Variants in PEX5L observed in about 807,000 individuals in gnomAD.
PEX5L encodes PEX5-related protein.
In PEX5L, 30 loss-of-function variants were observed where a neutral mutation model predicts 84.0. The ratio of observed to expected loss-of-function variants is 0.36; its 90% confidence interval spans 0.27 to 0.48. PEX5L has a LOEUF of 0.48. Among genes scored for constraint, PEX5L ranks in the 20% least tolerant of loss-of-function variants. The pLI, the probability that PEX5L is intolerant of heterozygous loss-of-function variation, is 0.99. For synonymous variants in PEX5L, 270 were observed against 283.1 expected, an observed-to-expected ratio of 0.95 and a Z score of 0.46; for missense variants, 533 against 754.6, an observed-to-expected ratio of 0.71 and a Z score of 3.44.
intron 8 of PEX5L, among the ~76,000 whole-genome samples, chr3:179,852,800 A>G (rs995908954): frequency 6.6e-5 from 10 of 152,196 alleles, no homozygotes; most frequent in Admixed American, 1.3e-4. Flanking sequence ...CTGTGAAAAC[A>G]TTGCTTAAAA....
chr3:179,937,971 C>T (rs531456864), intron 2 of PEX5L, among the ~76,000 whole-genome samples: 1 of 152,088 alleles, frequency 6.6e-6, no homozygotes, highest in Non-Finnish European at 1.5e-5. Context: ...CTACTTCCAG[C>T]GCTTCCATCG....
chr3:179,952,887 C>A (rs1779479582), intron 2 of PEX5L, among the ~76,000 whole-genome samples: 1 of 152,100 alleles, frequency 6.6e-6, no homozygotes, highest in South Asian at 2.1e-4. Context: ...CAGCATGGTA[C>A]CGGTACCAAA....
intron 8 of PEX5L, among the ~76,000 whole-genome samples, chr3:179,831,936 G>A (rs1185058822): frequency 2.0e-5 from 3 of 152,152 alleles, no homozygotes; most frequent in Non-Finnish European, 4.4e-5. Context: ...ACAGTTAGAC[G>A]AATAAGCTTG....
chr3:179,968,778 A>C (rs1784032384), intron 2 of PEX5L, among the ~76,000 whole-genome samples: 1 of 151,830 alleles, frequency 6.6e-6, no homozygotes, highest in Non-Finnish European at 1.5e-5. Flanking sequence ...TAAGACATCA[A>C]CACTCATTTA....
In PEX5L at chr3:180,036,683, G is replaced by A; in HGVS notation, c.-84C>T. 6.0e-6 allele frequency: 9 copies of A among 1,496,878 alleles called. No homozygotes were observed. Among genetic ancestry groups the A allele is most frequent in the South Asian group, 1.1e-5 (1 of 88,662 alleles). 92.7% of individuals were successfully genotyped at this position (1,496,878 alleles called of 1,614,324 possible). A position where few individuals can be genotyped will look rare whatever the true frequency, so the allele number is the denominator to read the frequency against. ...CTTGCCCACCAAAAGAGGGGAAAAG[G>A]TGGGTGCACAGCGGGTTCTCAGAGG... On this transcript the variant is annotated 5_prime_UTR_variant, in exon 1 of 15. Coordinates refer to ENST00000467460, the MANE Select transcript of PEX5L (RefSeq NM_016559.3).
intron 8 of PEX5L, among the ~76,000 whole-genome samples, chr3:179,829,440 A>G (rs1043299301): frequency 6.6e-6 from 1 of 152,212 alleles, no homozygotes; most frequent in Non-Finnish European, 1.5e-5. Flanking sequence ...TTAGAATCTC[A>G]GTACTTAATG....
At chr3:179,887,825 A>G in intron 3 of PEX5L, 41 bp from the exon 4 acceptor site, 1 of 1,319,582 alleles carries the variant, frequency 7.6e-7, no homozygotes, top group East Asian at 2.3e-5. Context: ...GCTTTGTTAA[A>G]CTGCAGAGTC....
At chr3:179,935,724 T>C (rs1214212595) in intron 2 of PEX5L, among the ~76,000 whole-genome samples, 1 of 152,044 alleles carries the variant, frequency 6.6e-6, no homozygotes, top group Non-Finnish European at 1.5e-5. Context: ...AGGGCAGCAA[T>C]GTTGCAGGTG....
chr3:179,876,354 G>A (rs1322975749), intron 5 of PEX5L, among the ~76,000 whole-genome samples: 1 of 151,974 alleles, frequency 6.6e-6, no homozygotes, highest in Admixed American at 6.6e-5. Flanking sequence ...AAAATGAATG[G>A]GGTGTGGTGG....
chr3:180,010,086 G>C (rs1201495865), intron 1 of PEX5L, among the ~76,000 whole-genome samples: 1 of 151,816 alleles, frequency 6.6e-6, no homozygotes, highest in African/African-American at 2.4e-5. Flanking sequence ...TGGGACTACA[G>C]GCGCCCGCCA....
rs944894330 is a variant in PEX5L, at chr3:179,798,533, C to T, written c.*3295G>A. 6.6e-6 allele frequency: 1 copy of T among 152,166 alleles called. No homozygotes were observed. Among genetic ancestry groups the T allele is most frequent in the Non-Finnish European group, 1.5e-5 (1 of 68,048 alleles). 9.4% of individuals were successfully genotyped at this position (152,166 alleles called of 1,614,324 possible). A position where few individuals can be genotyped will look rare whatever the true frequency, so the allele number is the denominator to read the frequency against. On this transcript the variant is annotated 3_prime_UTR_variant, in exon 15 of 15. Transcript: ENST00000467460. ...ACTCAGCAATAATCACTGGCTTTCT[C>T]TTTATTTTCATCCAATCTACAGGCG... is the stretch of plus-strand genomic sequence containing the variant.
intron 2 of PEX5L, among the ~76,000 whole-genome samples, chr3:179,951,540 G>A (rs369796380): frequency 1.3e-5 from 2 of 151,868 alleles, no homozygotes; most frequent in African/African-American, 2.4e-5. Context: ...TTGCTGCCTC[G>A]AACTCAGAGA....
intron 1 of PEX5L, among the ~76,000 whole-genome samples, chr3:180,033,960 T>C (rs1381310903): frequency 6.6e-6 from 1 of 152,218 alleles, no homozygotes; most frequent in East Asian, 1.9e-4. Context: ...ACCAAATGTG[T>C]GTTTTTAAAA....
intron 11 of PEX5L, among the ~76,000 whole-genome samples, chr3:179,811,217 A>G (rs910918875): frequency 6.0e-5 from 9 of 150,106 alleles, no homozygotes; most frequent in Non-Finnish European, 7.4e-5. Flanking sequence ...TATGGAATGT[A>G]TGTGTGTGTG....
intron 1 of PEX5L, among the ~76,000 whole-genome samples, chr3:180,031,467 G>T (rs1317175750): frequency 1.3e-5 from 2 of 152,098 alleles, no homozygotes; most frequent in African/African-American, 4.8e-5. Context: ...TGTTTTATAT[G>T]TTCTGAATTA....
At chr3:180,024,088 C>T (rs73180050) in intron 1 of PEX5L, among the ~76,000 whole-genome samples, 10,531 of 152,002 alleles carry the variant, frequency 0.069, 380 homozygotes, top group Non-Finnish European at 0.093. Flanking sequence ...AGAAAGGGTA[C>T]ATTTTTATTA....
chr3:180,001,268 T>C (rs776041418), intron 1 of PEX5L, among the ~76,000 whole-genome samples: 22 of 151,362 alleles, frequency 1.5e-4, no homozygotes, highest in African/African-American at 2.7e-4. Context: ...AGATGGCCAA[T>C]TGTGGGACCT....
Position 179,798,500 on chromosome 3 carries a change from AT to A in PEX5L, c.*3327del, listed in dbSNP as rs979700500. 1 of 152,184 alleles carries A rather than the reference AT, an allele frequency of 6.6e-6. No homozygotes were observed. Among genetic ancestry groups the A allele is most frequent in the African/African-American group, 2.4e-5 (1 of 41,436 alleles). 9.4% of individuals were successfully genotyped at this position (152,184 alleles called of 1,614,324 possible). The stretch of plus-strand genomic sequence containing the variant: ...GAAGTAGCCTACTAGAAATGGTTAT[AT>A]TTTGAAACTCAGCAATAATCACTGG... On this transcript the variant is annotated 3_prime_UTR_variant, in exon 15 of 15. Coordinates refer to ENST00000467460, the MANE Select transcript of PEX5L (RefSeq NM_016559.3).
chr3:179,991,200 C>T (rs1787346039), intron 1 of PEX5L, among the ~76,000 whole-genome samples: 1 of 152,200 alleles, frequency 6.6e-6, no homozygotes, highest in Non-Finnish European at 1.5e-5. Flanking sequence ...GATGCTTGCC[C>T]ATTTGACCTC....
Sources: gnomAD v4.1 joint callset for allele counts (sites outside exome capture counted in the v4.1 genomes callset) on GRCh38, gnomAD v4.1.1 for gene constraint, MANE v1.5 for transcripts, NCBI Gene and HGNC (gene_info 2026-07-23, HGNC 2026-07-21) for gene names.